The following AFG1L variants were observed in gnomAD, a reference collection of about 807,000 sequenced individuals.
AFG1L encodes AFG1 like ATPase, also known as AFG1-like ATPase.
AFG1L carries 53 observed loss-of-function variants against 62.2 expected under a neutral mutation model. The ratio of observed to expected loss-of-function variants is 0.85; its 90% confidence interval spans 0.68 to 1.07. AFG1L has a LOEUF of 1.07. Among genes scored for constraint, AFG1L ranks in the 50% least tolerant of loss-of-function variants. The pLI, the probability that AFG1L is intolerant of heterozygous loss-of-function variation, is 0.00. For missense variants in AFG1L, 555 were observed against 590.5 expected, an observed-to-expected ratio of 0.94 and a Z score of 0.62; for synonymous variants, 228 against 210.3, an observed-to-expected ratio of 1.08 and a Z score of -0.73.
At chr6:108,423,688 T>C (rs535459839) in intron 7 of AFG1L, among the ~76,000 whole-genome samples, 1 of 152,202 alleles carries the variant, frequency 6.6e-6, no homozygotes, top group South Asian at 2.1e-4. Flanking sequence ...CACAAGCATA[T>C]ACAAGTAATA....
chr6:108,408,752 A>T (rs925024191), intron 7 of AFG1L, among the ~76,000 whole-genome samples: 8 of 152,066 alleles, frequency 5.3e-5, no homozygotes, highest in African/African-American at 1.7e-4. Flanking sequence ...AGTTCCAATT[A>T]CTCTGCCTTG....
chr6:108,448,676 C>T (rs1466739447), intron 8 of AFG1L, among the ~76,000 whole-genome samples: 2 of 152,110 alleles, frequency 1.3e-5, no homozygotes, highest in Non-Finnish European at 2.9e-5. Flanking sequence ...TTGTCTCTGA[C>T]TTACCCTGTG....
At chr6:108,447,129 T>A (rs1562167458) in intron 7 of AFG1L, 85 bp from the exon 8 acceptor site, 4 of 567,958 alleles carry the variant, frequency 7.0e-6, no homozygotes, top group South Asian at 6.7e-5. Context: ...ATTTGAAAAA[T>A]TTTAAAAATG....
intron 6 of AFG1L, among the ~76,000 whole-genome samples, chr6:108,372,590 A>G (rs573295603): frequency 6.6e-6 from 1 of 152,266 alleles, no homozygotes; most frequent in Non-Finnish European, 1.5e-5. Context: ...GGCCTCCCAA[A>G]GTGCTGGGAT....
At chr6:108,366,153 TA>T (rs545199626) in intron 5 of AFG1L, 79 bp from the exon 6 acceptor site, 710 of 743,806 alleles carry the variant, frequency 9.5e-4, no homozygotes, top group South Asian at 1.5e-3. Context: ...ACTTCCATCT[TA>T]AAAAAAAAGA....
intron 8 of AFG1L, among the ~76,000 whole-genome samples, chr6:108,457,617 T>C (rs1031527281): frequency 1.1e-4 from 16 of 152,154 alleles, no homozygotes; most frequent in Middle Eastern, 3.4e-3. Flanking sequence ...AAACAGTCAA[T>C]AATCCTTTAA....
At chr6:108,468,791 T>A (rs1386512980) in intron 8 of AFG1L, among the ~76,000 whole-genome samples, 1 of 151,852 alleles carries the variant, frequency 6.6e-6, no homozygotes, top group Non-Finnish European at 1.5e-5. Context: ...TTGTTCTATT[T>A]TCTGATATGA....
intron 10 of AFG1L, among the ~76,000 whole-genome samples, chr6:108,489,279 C>T (rs748347433): frequency 1.3e-5 from 2 of 152,136 alleles, no homozygotes; most frequent in South Asian, 2.1e-4. Context: ...GAGGAATAGC[C>T]TGAAATTTTT....
At chr6:108,501,847 G>A (rs1037339811) in intron 10 of AFG1L, among the ~76,000 whole-genome samples, 12 of 152,058 alleles carry the variant, frequency 7.9e-5, no homozygotes, top group African/African-American at 2.9e-4. Flanking sequence ...GAATTTTTTT[G>A]TTTCCCGGTA....
intron 3 of AFG1L, among the ~76,000 whole-genome samples, chr6:108,351,108 G>A (rs1779065035): frequency 6.6e-6 from 1 of 152,206 alleles, no homozygotes; most frequent in Non-Finnish European, 1.5e-5. Flanking sequence ...GTTTGACCAT[G>A]AATGGACTGG....
At chr6:108,441,211 A>G (rs1265789385) in intron 7 of AFG1L, among the ~76,000 whole-genome samples, 1 of 152,170 alleles carries the variant, frequency 6.6e-6, no homozygotes, top group African/African-American at 2.4e-5. Context: ...ATTTTGTGAG[A>G]TGGCTGTTTT....
At chr6:108,300,251 C>T (rs1190035684) in intron 1 of AFG1L, among the ~76,000 whole-genome samples, 1 of 151,792 alleles carries the variant, frequency 6.6e-6, no homozygotes, top group Non-Finnish European at 1.5e-5. Context: ...TGGGTTCAAG[C>T]GATTCTCCTG....
rs189668579 is a variant in AFG1L, at chr6:108,381,652, C to T, written c.748+15320C>T. Among the ~76,000 whole-genome samples the T allele has an allele frequency of 8.7e-4, 132 of 152,260 alleles. No individual in the cohort carries two copies. In the Middle Eastern group the frequency reaches 0.014, roughly 16 times the overall value. The stretch of plus-strand genomic sequence containing the variant: ...AATCCATGATTTGAAATTTCACATA[C>T]GTGATTCTCACGTTTTAGGTACTGC... On this transcript the variant is annotated intron_variant, in intron 6 of 12. Coordinates refer to ENST00000368977, the MANE Select transcript of AFG1L (RefSeq NM_145315.5).
intron 10 of AFG1L, among the ~76,000 whole-genome samples, chr6:108,487,379 C>T (rs1259933243): frequency 6.6e-6 from 1 of 152,084 alleles, no homozygotes; most frequent in Non-Finnish European, 1.5e-5. Context: ...CTGACTACCC[C>T]CACCAAAAAA....
At chr6:108,378,895 C>T (rs551362220) in intron 6 of AFG1L, among the ~76,000 whole-genome samples, 1 of 151,006 alleles carries the variant, frequency 6.6e-6, no homozygotes, top group Non-Finnish European at 1.5e-5. Context: ...TTCCCTTTTC[C>T]CTGCTTGCCT....
At chr6:108,431,573 C>T (rs1302538050) in intron 7 of AFG1L, among the ~76,000 whole-genome samples, 2 of 148,390 alleles carry the variant, frequency 1.3e-5, no homozygotes, top group Non-Finnish European at 1.5e-5. Context: ...TTGCCACAGT[C>T]AGATGTTTCA....
chr6:108,475,424 C>T (rs1452242030), intron 8 of AFG1L, among the ~76,000 whole-genome samples: 1 of 151,996 alleles, frequency 6.6e-6, no homozygotes, highest in Non-Finnish European at 1.5e-5. Context: ...TGCTTGTATA[C>T]ACCAAAGGTG....
chr6:108,400,075 A>G (rs1032060471), intron 6 of AFG1L, among the ~76,000 whole-genome samples: 1 of 152,054 alleles, frequency 6.6e-6, no homozygotes, highest in South Asian at 2.1e-4. Flanking sequence ...CACTATGCCC[A>G]GCCCTCTTGG....
intron 11 of AFG1L, among the ~76,000 whole-genome samples, chr6:108,516,591 A>C (rs1009755797): frequency 3.9e-5 from 6 of 152,170 alleles, no homozygotes; most frequent in African/African-American, 9.7e-5. Context: ...AAAACTGGCA[A>C]AAGACAGGGA....
Sources: allele counts gnomAD v4.1 joint callset (sites outside exome capture counted in the v4.1 genomes callset), GRCh38; gene constraint gnomAD v4.1.1; transcripts MANE v1.5; gene names NCBI Gene and HGNC (gene_info 2026-07-23, HGNC 2026-07-21).